The following SLC23A2 variants were observed in gnomAD, a reference collection of about 807,000 sequenced individuals.
SLC23A2 encodes solute carrier family 23 member 2, also known as Na(+)/L-ascorbic acid transporter 2.
SLC23A2 carries 36 observed loss-of-function variants against 73.3 expected under a neutral mutation model. The observed-to-expected ratio is 0.49, with a 90% CI of 0.38 to 0.65. The LOEUF is 0.65. SLC23A2 is among the 30% of genes least tolerant of loss of function. The pLI is 0.00. For missense variants in SLC23A2, 507 were observed against 841.6 expected (o/e 0.60, Z 4.92); for synonymous variants, 343 against 327.3 (o/e 1.05, Z -0.52).
chr20:4,925,918 A>G (rs1037065806), intron 3 of SLC23A2, among the ~76,000 whole-genome samples: 1 of 152,208 alleles, frequency 6.6e-6, no homozygotes, highest in Non-Finnish European at 1.5e-5. Context: ...CGTGGACACT[A>G]TCACAGCACC....
chr20:4,898,338 T>G (rs1017933992), intron 6 of SLC23A2, among the ~76,000 whole-genome samples: 1 of 152,224 alleles, frequency 6.6e-6, no homozygotes, highest in Admixed American at 6.5e-5. Flanking sequence ...TGGCCTATCC[T>G]GGCAACCAGA....
chr20:4,951,239 C>T (rs1478709711), intron 2 of SLC23A2, among the ~76,000 whole-genome samples: 2 of 151,940 alleles, frequency 1.3e-5, no homozygotes, highest in East Asian at 3.9e-4. Context: ...AAAGAGGAAA[C>T]AAGATTGACA....
At position 4,902,616 on chromosome 20, in the gene SLC23A2, C is replaced by G; in HGVS notation, c.208-58G>C. On this transcript the variant is annotated intron_variant, in intron 4 of 16. Transcript: ENST00000338244. This position sits in a 1 kb window ranked among gnomAD's most constrained non-coding sequence, Gnocchi z 4.0. Reference sequence around the variant, plus strand: ...TTAAACGTGAAGACCAGTGTTAGCTCGGCCATGTACAGGCCACTATTACAG... The same window carrying G: ...TTAAACGTGAAGACCAGTGTTAGCTGGGCCATGTACAGGCCACTATTACAG... 1.1e-6 allele frequency: 1 copy of G among 925,982 alleles called. No homozygotes were observed. The highest frequency in any genetic ancestry group is 1.7e-6 in the Non-Finnish European group (1 of 591,774). 57.4% of individuals were successfully genotyped at this position (925,982 alleles called of 1,614,324 possible). A position where few individuals can be genotyped will look rare whatever the true frequency, so the allele number is the denominator to read the frequency against.
intron 2 of SLC23A2, among the ~76,000 whole-genome samples, chr20:4,964,234 A>G (rs6052996): frequency 0.4 from 60,757 of 151,652 alleles, 12,442 homozygotes; most frequent in Admixed American, 0.48. Context: ...GGCTCAAGCA[A>G]TCCGCCCACA....
intron 6 of SLC23A2, among the ~76,000 whole-genome samples, chr20:4,891,661 C>T (rs1356025102): frequency 6.6e-6 from 1 of 152,256 alleles, no homozygotes; most frequent in African/African-American, 2.4e-5. Context: ...GCACTACCTG[C>T]CTCCTTCCCT....
In SLC23A2 at chr20:4,872,698, T is replaced by C. The variant is rs1391493980; in HGVS notation, c.1102+1238A>G. ...TGCACATTCTTTCTTGGAAAAAGAA[T>C]AGGTCTGTATAAATGCACACTTAGA... On this transcript the variant is annotated intron_variant, in intron 11 of 16. Transcript: ENST00000338244. The surrounding 1 kb of genome is among the most constrained non-coding windows in gnomAD (Gnocchi z 4.4). Among the ~76,000 whole-genome samples, 5 of 152,192 alleles carry C rather than the reference T, an allele frequency of 3.3e-5. No homozygotes were observed. The South Asian group carries it at 6.2e-4, about 19-fold the overall frequency.
At chr20:4,971,099 A>C (rs1040763998) in intron 1 of SLC23A2, among the ~76,000 whole-genome samples, 180 bp from the exon 2 acceptor site, 1 of 152,140 alleles carries the variant, frequency 6.6e-6, no homozygotes, top group African/African-American at 2.4e-5. Flanking sequence ...CACAAACTGC[A>C]CCCTCAATTC....
chr20:4,977,381 T>TA, intron 1 of SLC23A2, among the ~76,000 whole-genome samples: 1 of 151,906 alleles, frequency 6.6e-6, no homozygotes, highest in Admixed American at 6.6e-5. Context: ...TTATTATTAT[T>TA]TTTTTTTAAT....
At position 4,951,438 on chromosome 20, in the gene SLC23A2, G is replaced by A. The variant is rs532963788; in HGVS notation, c.-154-18722C>T. ...ACTACAGAAAGGCTAAGGCTATTCCGAGACAGAGCTGGGCAGGAAAAAGCA... is the reference window on the plus strand; with the variant it reads ...ACTACAGAAAGGCTAAGGCTATTCCAAGACAGAGCTGGGCAGGAAAAAGCA... On this transcript the variant is annotated intron_variant, in intron 2 of 16. Coordinates refer to ENST00000338244, the MANE Select transcript of SLC23A2 (RefSeq NM_005116.6). Among the ~76,000 whole-genome samples the A allele has an allele frequency of 7.2e-5, 11 of 152,248 alleles. No individual in the cohort carries two copies. In the South Asian group the frequency reaches 1.2e-3, roughly 17 times the overall value.
At chr20:4,871,742 T>A (rs983354570) in intron 11 of SLC23A2, among the ~76,000 whole-genome samples, 9 of 152,168 alleles carry the variant, frequency 5.9e-5, no homozygotes, top group African/African-American at 1.7e-4. Flanking sequence ...CGACACACCC[T>A]ATGCCACCAG....
At chr20:4,892,134 T>G (rs975765203) in intron 6 of SLC23A2, among the ~76,000 whole-genome samples, 6 of 152,060 alleles carry the variant, frequency 3.9e-5, no homozygotes, top group Non-Finnish European at 7.4e-5. Context: ...GACTATTAAA[T>G]GATGGAAAGG....
intron 6 of SLC23A2, among the ~76,000 whole-genome samples, chr20:4,898,970 G>A (rs1931647571): frequency 6.6e-6 from 1 of 152,190 alleles, no homozygotes. Context: ...CACACAAGAA[G>A]GTAGACAGCG....
chr20:4,957,550 C>T (rs1332803291), intron 2 of SLC23A2, among the ~76,000 whole-genome samples: 4 of 150,286 alleles, frequency 2.7e-5, no homozygotes, highest in Non-Finnish European at 5.9e-5. Flanking sequence ...TGGTCTTATC[C>T]CAGCATGTCA....
chr20:4,965,610 A>G (rs1053234643), intron 2 of SLC23A2, among the ~76,000 whole-genome samples: 1 of 152,056 alleles, frequency 6.6e-6, no homozygotes, highest in Non-Finnish European at 1.5e-5. Flanking sequence ...CGTCTCTACA[A>G]AAAATTAGCC....
chr20:4,996,857 T>C (rs1237242064), intron 1 of SLC23A2, among the ~76,000 whole-genome samples: 1 of 151,888 alleles, frequency 6.6e-6, no homozygotes, highest in Non-Finnish European at 1.5e-5. Context: ...AGTCGAAAAT[T>C]GGGACAAAGG....
chr20:4,977,599 G>A (rs948918553), intron 1 of SLC23A2, among the ~76,000 whole-genome samples: 1 of 151,550 alleles, frequency 6.6e-6, no homozygotes, highest in African/African-American at 2.4e-5. Flanking sequence ...TGGGGAGGCT[G>A]AGGCAGGAGA....
chr20:4,860,500 AAAG>A (rs1359721501), intron 15 of SLC23A2, among the ~76,000 whole-genome samples: 4 of 152,220 alleles, frequency 2.6e-5, no homozygotes, highest in Admixed American at 6.5e-5. Flanking sequence ...GGTGTGTGTT[AAAG>A]AAGATCCATC....
rs925141127 is a variant in SLC23A2 at position 4,901,237 on chromosome 20, C to T, written c.324+1205G>A. On this transcript the variant is annotated intron_variant, in intron 5 of 16. Coordinates refer to ENST00000338244, the MANE Select transcript of SLC23A2 (RefSeq NM_005116.6). ...TTACCATGGGCTGTGATACCTGAAA[C>T]GGGGTGAGGGAAGGGCGGGGCAACT... 5.9e-5 allele frequency among the ~76,000 whole-genome samples: 9 copies of T among 152,024 alleles called. 1 individual carries two copies. Among genetic ancestry groups the T allele is most frequent in the Non-Finnish European group, 1.0e-4 (7 of 68,022 alleles).
chr20:4,990,971 C>CAAAAAAA (rs1198847840), intron 1 of SLC23A2, among the ~76,000 whole-genome samples: 1 of 56,810 alleles, frequency 1.8e-5, no homozygotes, highest in African/African-American at 5.3e-5. Flanking sequence ...AACTCCATCT[C>CAAAAAAA]AAAAAAAAAA....
Sources: gnomAD v4.1 joint callset for allele counts (sites outside exome capture counted in the v4.1 genomes callset) on GRCh38, gnomAD v4.1.1 for gene constraint, Gnocchi (gnomAD v3.1) non-coding constraint, MANE v1.5 for transcripts, NCBI Gene and HGNC (gene_info 2026-07-23, HGNC 2026-07-21) for gene names.